The following BABAM2 variants were observed in gnomAD, a reference collection of about 807,000 sequenced individuals.
BABAM2 encodes the protein BRISC and BRCA1 A complex member 2.
In BABAM2, 31 loss-of-function variants were observed where a neutral mutation model predicts 54.7. The ratio of observed to expected loss-of-function variants is 0.57; its 90% CI spans 0.43 to 0.77. The LOEUF (loss-of-function observed/expected upper bound fraction) is 0.77. Among genes scored for constraint, BABAM2 ranks in the 30% least tolerant of loss-of-function variants. The pLI, the probability that BABAM2 is intolerant of heterozygous loss-of-function variation, is 0.00. For synonymous variants in BABAM2, 167 were observed against 162.9 expected, an observed-to-expected ratio of 1.03 and a Z score of -0.19; for missense variants, 364 against 455.8, an observed-to-expected ratio of 0.80 and a Z score of 1.83.
intron 10 of BABAM2, among the ~76,000 whole-genome samples, chr2:28,245,146 G>T (rs948811616): frequency 6.6e-6 from 1 of 151,980 alleles, no homozygotes; most frequent in African/African-American, 2.4e-5. Context: ...AATGGGTAGA[G>T]GTCAGTGATG....
intron 6 of BABAM2, among the ~76,000 whole-genome samples, chr2:28,068,451 G>A (rs536321162): frequency 9.2e-5 from 14 of 152,284 alleles, no homozygotes; most frequent in African/African-American, 3.1e-4. Flanking sequence ...GGGATTTTAA[G>A]TTATAAAACT....
intron 6 of BABAM2, among the ~76,000 whole-genome samples, chr2:28,103,247 G>A (rs1183063663): frequency 6.6e-6 from 1 of 152,036 alleles, no homozygotes; most frequent in Admixed American, 6.5e-5. Context: ...GATATTCAAC[G>A]TGTCCTACTT....
intron 11 of BABAM2, among the ~76,000 whole-genome samples, chr2:28,318,927 C>T (rs1689793982): frequency 6.6e-6 from 1 of 152,132 alleles, no homozygotes; most frequent in African/African-American, 2.4e-5. Flanking sequence ...GTAGGGCTGC[C>T]CAAACTCCAC....
At chr2:27,959,827 C>T (rs1001912781) in intron 3 of BABAM2, among the ~76,000 whole-genome samples, 39 of 151,750 alleles carry the variant, frequency 2.6e-4, no homozygotes, top group African/African-American at 8.7e-4. Flanking sequence ...TTTTCTTTTG[C>T]TTGATTTTTT....
intron 3 of BABAM2, among the ~76,000 whole-genome samples, chr2:27,966,137 A>G (rs1441756172): frequency 6.6e-6 from 1 of 152,176 alleles, no homozygotes; most frequent in South Asian, 2.1e-4. Flanking sequence ...TTAGAGGCAT[A>G]TAATATGGCA....
chr2:28,228,559 C>T (rs556003369), intron 7 of BABAM2, among the ~76,000 whole-genome samples: 1 of 152,192 alleles, frequency 6.6e-6, no homozygotes, highest in Admixed American at 6.5e-5. Flanking sequence ...TAAATTCACT[C>T]ACTCCTGACC....
At chr2:28,330,459 A>G (rs753730898) in intron 11 of BABAM2, among the ~76,000 whole-genome samples, 1 of 152,222 alleles carries the variant, frequency 6.6e-6, no homozygotes, top group Admixed American at 6.5e-5. Flanking sequence ...AAAGCTTCTT[A>G]AGCTGACAAG....
intron 4 of BABAM2, among the ~76,000 whole-genome samples, chr2:28,018,725 G>A (rs1450270793): frequency 2.6e-5 from 4 of 152,014 alleles, no homozygotes; most frequent in East Asian, 3.9e-4. Context: ...ATTGTGTTAC[G>A]GTTTTGATTT....
intron 3 of BABAM2, among the ~76,000 whole-genome samples, chr2:27,977,730 C>T (rs969741630): frequency 3.3e-5 from 5 of 152,044 alleles, no homozygotes; most frequent in African/African-American, 1.2e-4. Flanking sequence ...CAAACTGGTA[C>T]ATATTCAGAG....
At chr2:28,338,312 A>G in intron 11 of BABAM2, 138 bp from the exon 12 acceptor site, 1 of 785,890 alleles carries the variant, frequency 1.3e-6, no homozygotes, top group Non-Finnish European at 2.2e-6. Flanking sequence ...TTGCCTCAGC[A>G]GAGAAGGCAA....
At chr2:28,093,142 G>T (rs969571638) in intron 6 of BABAM2, among the ~76,000 whole-genome samples, 2 of 151,964 alleles carry the variant, frequency 1.3e-5, no homozygotes, top group Non-Finnish European at 2.9e-5. Context: ...CTTTAAATTT[G>T]TATACCACTT....
At chr2:28,277,634 G>T (rs944033422) in intron 10 of BABAM2, among the ~76,000 whole-genome samples, 3 of 152,186 alleles carry the variant, frequency 2.0e-5, no homozygotes, top group African/African-American at 7.2e-5. Context: ...CTTCACGGTT[G>T]CCTCCGTAAC....
chr2:27,951,938 C>T (rs1447154618), intron 3 of BABAM2, among the ~76,000 whole-genome samples: 3 of 152,120 alleles, frequency 2.0e-5, no homozygotes, highest in Non-Finnish European at 4.4e-5. Context: ...CTTTATTGAG[C>T]TTCTGCATCA....
intron 10 of BABAM2, among the ~76,000 whole-genome samples, chr2:28,275,810 C>T (rs1031746989): frequency 3.9e-5 from 6 of 152,072 alleles, no homozygotes; most frequent in Non-Finnish European, 8.8e-5. Flanking sequence ...AAGAAAATTG[C>T]AGAGTCTTTG....
intron 7 of BABAM2, among the ~76,000 whole-genome samples, chr2:28,192,230 T>G (rs1028615249): frequency 1.3e-5 from 2 of 152,092 alleles, no homozygotes; most frequent in Admixed American, 1.3e-4. Context: ...GAGACGGGGT[T>G]TCACCATGTT....
At chr2:28,121,745 C>G (rs1191048426) in intron 6 of BABAM2, among the ~76,000 whole-genome samples, 1 of 151,876 alleles carries the variant, frequency 6.6e-6, no homozygotes, top group African/African-American at 2.4e-5. Context: ...TTGTTAAATG[C>G]TTAAATGAAT....
intron 10 of BABAM2, among the ~76,000 whole-genome samples, chr2:28,262,172 T>C (rs1232268707): frequency 6.6e-6 from 1 of 152,026 alleles, no homozygotes; most frequent in Non-Finnish European, 1.5e-5. Flanking sequence ...TGAAAGTGGT[T>C]TCCAGTCTCC....
At chr2:28,034,633 G>A (rs1275408669) in intron 5 of BABAM2, among the ~76,000 whole-genome samples, 1 of 152,110 alleles carries the variant, frequency 6.6e-6, no homozygotes, top group Non-Finnish European at 1.5e-5. Flanking sequence ...AGAGAGTGTT[G>A]CTTATCTTAC....
chr2:28,248,476 T>G (rs1175662796), intron 10 of BABAM2, among the ~76,000 whole-genome samples: 1 of 152,156 alleles, frequency 6.6e-6, no homozygotes, highest in African/African-American at 2.4e-5. Context: ...CCCAAAGTGC[T>G]GGGATTACAG....
Sources: allele counts gnomAD v4.1 joint callset (sites outside exome capture counted in the v4.1 genomes callset), GRCh38; gene constraint gnomAD v4.1.1; transcripts MANE v1.5; gene names NCBI Gene and HGNC (gene_info 2026-07-23, HGNC 2026-07-21).